LRRN1: variants seen among roughly 807,000 people sequenced by gnomAD.
LRRN1 encodes leucine rich repeat neuronal 1.
Under a neutral mutation model 45.8 loss-of-function variants are expected in LRRN1, and 14 were observed. That is an observed-to-expected ratio of 0.31 (90% CI 0.20 to 0.48). The LOEUF (loss-of-function observed/expected upper bound fraction) is 0.48. Among genes scored for constraint, LRRN1 ranks in the 20% least tolerant of loss-of-function variants. The probability of loss-of-function intolerance (pLI) is 0.99; values close to 1 mark genes in which losing one functional copy is unlikely to be tolerated. For synonymous variants in LRRN1, 359 were observed against 330.1 expected, an observed-to-expected ratio of 1.09 and a Z score of -0.95; for missense variants, 789 against 874.2, an observed-to-expected ratio of 0.90 and a Z score of 1.23.
intron 1 of LRRN1, among the ~76,000 whole-genome samples, chr3:3,835,547 C>T (rs1348150681): frequency 1.3e-5 from 2 of 150,590 alleles, no homozygotes; most frequent in Non-Finnish European, 2.9e-5. Flanking sequence ...TTGATTCCTC[C>T]AGGGTAGAAT....
At chr3:3,814,886 A>T (rs1692959051) in intron 1 of LRRN1, among the ~76,000 whole-genome samples, 1 of 152,178 alleles carries the variant, frequency 6.6e-6, no homozygotes, top group African/African-American at 2.4e-5. Context: ...ATAAATTTAT[A>T]TTCTTTATAA....
chr3:3,836,773 A>G (rs1370101716), intron 1 of LRRN1, among the ~76,000 whole-genome samples: 1 of 152,184 alleles, frequency 6.6e-6, no homozygotes, highest in East Asian at 1.9e-4. Flanking sequence ...TAGGGGTAGT[A>G]GCAAAACTCT....
chr3:3,828,896 C>T (rs758552489), intron 1 of LRRN1, among the ~76,000 whole-genome samples: 1 of 152,110 alleles, frequency 6.6e-6, no homozygotes, highest in Non-Finnish European at 1.5e-5. Flanking sequence ...GTCATGTGAT[C>T]GTAGCTGGTA....
rs73806443 is a variant in LRRN1 at position 3,848,991 on chromosome 3, G to A, written c.*2199G>A. Among the ~76,000 whole-genome samples, 322 of 152,288 alleles carry A rather than the reference G, an allele frequency of 2.1e-3. No individual in the cohort carries two copies. The highest frequency in any genetic ancestry group is 7.3e-3 in the African/African-American group (304 of 41,554). On this transcript the variant is annotated 3_prime_UTR_variant, in exon 2 of 2. Coordinates refer to ENST00000319331, the MANE Select transcript of LRRN1 (RefSeq NM_020873.7). ...GGGAAACACAGAGAATTGGAGCTGC[G>A]TTGAATGCAAACTTGAGGTGTTTCC...
At chr3:3,810,832 G>A (rs909594177) in intron 1 of LRRN1, among the ~76,000 whole-genome samples, 5 of 152,104 alleles carry the variant, frequency 3.3e-5, no homozygotes, top group Admixed American at 6.5e-5. Flanking sequence ...GGCACCTCCC[G>A]TGTTTTAGCT....
chr3:3,820,389 C>G lies in LRRN1; in HGVS notation c.-279+20470C>G, dbSNP rs143908183. 3.3e-5 allele frequency among the ~76,000 whole-genome samples: 5 copies of G among 152,310 alleles called. No homozygotes were observed. In the East Asian group the frequency reaches 9.7e-4, roughly 29 times the overall value. On this transcript the variant is annotated intron_variant, in intron 1 of 1. Transcript: ENST00000319331. ...CTCTTAATTTCTAAAAAGTTTCATT[C>G]AGCCTTTTCTTTAGGGAATATGGTG...
At chr3:3,844,308 T>C (rs1233215179) in intron 1 of LRRN1, 56 bp from the exon 2 acceptor site, 8 of 201,482 alleles carry the variant, frequency 4.0e-5, no homozygotes, top group African/African-American at 1.8e-4. Flanking sequence ...AAAGAAAGGC[T>C]ATAATGTAGA....
chr3:3,802,490 T>C (rs1692675641), intron 1 of LRRN1, among the ~76,000 whole-genome samples: 1 of 152,160 alleles, frequency 6.6e-6, no homozygotes, highest in Admixed American at 6.5e-5. Flanking sequence ...AAGACAACAT[T>C]GTTTTGGAGG....
At chr3:3,808,702 CAA>C (rs1472664990) in intron 1 of LRRN1, among the ~76,000 whole-genome samples, 2 of 152,208 alleles carry the variant, frequency 1.3e-5, no homozygotes, top group African/African-American at 2.4e-5. Context: ...AGCTATAAAA[CAA>C]GAGGACTGGA....
At chr3:3,839,217 T>C (rs1368048243) in intron 1 of LRRN1, among the ~76,000 whole-genome samples, 1 of 152,160 alleles carries the variant, frequency 6.6e-6, no homozygotes, top group African/African-American at 2.4e-5. Flanking sequence ...ATTCTTTTCA[T>C]GTAGATATCC....
chr3:3,809,813 G>A lies in LRRN1; in HGVS notation c.-279+9894G>A, dbSNP rs113313114. Among the ~76,000 whole-genome samples, 231 of 152,264 alleles carry A rather than the reference G, an allele frequency of 1.5e-3. 1 individual carries two copies. The highest frequency in any genetic ancestry group is 5.4e-3 in the African/African-American group (224 of 41,558). On this transcript the variant is annotated intron_variant, in intron 1 of 1. Transcript: ENST00000319331. The stretch of plus-strand genomic sequence containing the variant: ...TGAGAACATGCATATAAAGTCCTTA[G>A]CACAGTTCCTCTTCCAAGGTACATA...
chr3:3,816,804 C>A lies in LRRN1; in HGVS notation c.-279+16885C>A, dbSNP rs1388978793. 6.6e-6 allele frequency among the ~76,000 whole-genome samples: 1 copy of A among 152,040 alleles called. No individual in the cohort carries two copies. ...AAGGCTGCAATGTACTCTTGGGGTC[C>A]AATAAGACAATTAAGGCAGGTGGTA... On this transcript the variant is annotated intron_variant, in intron 1 of 1. Coordinates refer to ENST00000319331, the MANE Select transcript of LRRN1 (RefSeq NM_020873.7). This position sits in a 1 kb window ranked among gnomAD's most constrained non-coding sequence, Gnocchi z 4.0.
chr3:3,849,326 G>T lies in LRRN1; in HGVS notation c.*2534G>T, dbSNP rs183611047. 6.6e-6 allele frequency among the ~76,000 whole-genome samples: 1 copy of T among 152,264 alleles called. No homozygotes were observed. Among genetic ancestry groups the T allele is most frequent in the South Asian group, 2.1e-4 (1 of 4,826 alleles). On this transcript the variant is annotated 3_prime_UTR_variant, in exon 2 of 2. Transcript: ENST00000319331. ...ATCTTCTGCCAGCCCAGTTTGGGGG[G>T]AAAAACCCCTTTTACATTTTTCTTC...
intron 1 of LRRN1, among the ~76,000 whole-genome samples, chr3:3,834,564 T>TATATGATATATA (rs1406987073): frequency 9.1e-6 from 1 of 110,386 alleles, no homozygotes; most frequent in Non-Finnish European, 1.9e-5. Flanking sequence ...GATATATATA[T>TATATGATATATA]TATTATACAT....
chr3:3,835,894 G>A (rs896112729), intron 1 of LRRN1, among the ~76,000 whole-genome samples: 3 of 151,826 alleles, frequency 2.0e-5, no homozygotes, highest in African/African-American at 7.3e-5. Flanking sequence ...CAAATGTAAT[G>A]TATAATTGTT....
rs1252624175 is a variant in LRRN1 at position 3,847,148 on chromosome 3, G to C, written c.*356G>C. 5.7e-6 allele frequency: 1 copy of C among 174,794 alleles called. No individual in the cohort carries two copies. Among genetic ancestry groups the C allele is most frequent in the Non-Finnish European group, 1.4e-5 (1 of 73,380 alleles). The allele number at this position is 174,794 out of a possible 1,614,324, so 10.8% of individuals were successfully genotyped here. A position where few individuals can be genotyped will look rare whatever the true frequency, so the allele number is the denominator to read the frequency against. Reference sequence around the variant, plus strand: ...ATGGGGTTCCCCTGTGCTTTTACCAGTAGCATGACCCCTTCTGAAGCCATC... The same window carrying C: ...ATGGGGTTCCCCTGTGCTTTTACCACTAGCATGACCCCTTCTGAAGCCATC... On this transcript the variant is annotated 3_prime_UTR_variant, in exon 2 of 2. Coordinates refer to ENST00000319331, the MANE Select transcript of LRRN1 (RefSeq NM_020873.7).
At chr3:3,837,317 G>A (rs368598939) in intron 1 of LRRN1, among the ~76,000 whole-genome samples, 1 of 110,982 alleles carries the variant, frequency 9.0e-6, no homozygotes, top group African/African-American at 3.2e-5. Flanking sequence ...TGGGGGCAAG[G>A]GCTTTATTAC....
rs1365997413 is a variant in LRRN1 at position 3,845,942 on chromosome 3, G to A, written c.1301G>A (p.Arg434His). ...ATATCTCACGACAGCTTCCCAAATC[G>A]TTTAAACGTGGATATCGGCACGACG... ...PMISHDSFPN[R>H]LNVDIGTTVF... Residue 434 changes from arginine to histidine, a missense_variant, in exon 2 of 2, where the codon CGT (arginine) becomes CAT (histidine). Physicochemically the swap from Arg to His is conservative, Grantham distance 29. Coordinates refer to ENST00000319331, the MANE Select transcript of LRRN1 (RefSeq NM_020873.7). This position sits in a 1 kb window ranked among gnomAD's most constrained non-coding sequence, Gnocchi z 6.5. 8.1e-6 allele frequency: 13 copies of A among 1,613,928 alleles called. No individual in the cohort carries two copies. Among genetic ancestry groups the A allele is most frequent in the Admixed American group, 6.7e-5 (4 of 59,990 alleles).
At chr3:3,828,103 T>C (rs1180772128) in intron 1 of LRRN1, among the ~76,000 whole-genome samples, 6 of 147,978 alleles carry the variant, frequency 4.1e-5, no homozygotes, top group Non-Finnish European at 7.4e-5. Context: ...ATTTTCCCAG[T>C]GTGTTAGGGT....
Sources: gnomAD v4.1 joint callset for allele counts (sites outside exome capture counted in the v4.1 genomes callset) on GRCh38, gnomAD v4.1.1 for gene constraint, Gnocchi (gnomAD v3.1) non-coding constraint, MANE v1.5 for transcripts, NCBI Gene and HGNC (gene_info 2026-07-23, HGNC 2026-07-21) for gene names.